EGLN1: variants seen among roughly 807,000 people sequenced by gnomAD.
EGLN1 encodes the protein egl nine homolog 1.
EGLN1 carries 17 observed loss-of-function variants against 38.3 expected under a neutral mutation model. That is an observed-to-expected ratio of 0.44 (90% CI 0.30 to 0.67). The LOEUF is 0.67. EGLN1 is among the 30% of genes least tolerant of loss of function. EGLN1 has a pLI of 0.08. For synonymous variants in EGLN1, 283 were observed against 257.5 expected, an observed-to-expected ratio of 1.10 and a Z score of -0.95; for missense variants, 477 against 603.3, an observed-to-expected ratio of 0.79 and a Z score of 2.19.
Position 231,370,556 on chromosome 1 carries a change from T to C in EGLN1, c.1148+6A>G, listed in dbSNP as rs1427875781. 2.5e-6 allele frequency: 4 copies of C among 1,613,162 alleles called. No homozygotes were observed. Among genetic ancestry groups the C allele is most frequent in the Non-Finnish European group, 3.4e-6 (4 of 1,180,012 alleles). ...TAAACCAATTTTTTCTGAAAAGGAA[T>C]ACTACCTTGTAGCATATGCTGGTTG... On this transcript the variant is annotated splice_donor_region_variant and intron_variant, in intron 3 of 4. Transcript: ENST00000366641.
chr1:231,405,742 A>G (rs1688772596), intron 1 of EGLN1, among the ~76,000 whole-genome samples: 1 of 152,064 alleles, frequency 6.6e-6, no homozygotes, highest in East Asian at 1.9e-4. Context: ...AGAGGAAGAA[A>G]CACCAAGAAT....
intron 1 of EGLN1, among the ~76,000 whole-genome samples, chr1:231,407,253 A>AT (rs1335059435): frequency 6.6e-6 from 1 of 152,170 alleles, no homozygotes; most frequent in East Asian, 1.9e-4. Flanking sequence ...TCCCACGTTG[A>AT]TTAAATCCTT....
At chr1:231,369,677 G>C in intron 3 of EGLN1, 1 of 829,846 alleles carries the variant, frequency 1.2e-6, no homozygotes, top group Non-Finnish European at 1.5e-6. Context: ...AGTCGTTAGA[G>C]TCAACCATCA....
chr1:231,396,805 T>C (rs1688541411), intron 1 of EGLN1, among the ~76,000 whole-genome samples: 1 of 152,230 alleles, frequency 6.6e-6, no homozygotes, highest in African/African-American at 2.4e-5. Flanking sequence ...AGTGGCATCC[T>C]TGTTCAACCA....
intron 1 of EGLN1, among the ~76,000 whole-genome samples, chr1:231,414,468 C>CA (rs766554970): frequency 3.9e-5 from 6 of 152,130 alleles, no homozygotes; most frequent in Admixed American, 3.9e-4. Flanking sequence ...CTCAGAAACA[C>CA]AGAGTGGGAA....
chr1:231,364,387 A>G lies in EGLN1; in HGVS notation c.*2024T>C, dbSNP rs1687584100. On this transcript the variant is annotated 3_prime_UTR_variant, in exon 5 of 5. Coordinates refer to ENST00000366641, the MANE Select transcript of EGLN1 (RefSeq NM_022051.3). ...CGCCGCGCACTGTACTATAGACCAG[A>G]TGGCAAAGACAACTTGCGCTCCTGG... 6.6e-6 allele frequency: 1 copy of G among 152,254 alleles called. No individual in the cohort carries two copies. The highest frequency in any genetic ancestry group is 2.4e-5 in the African/African-American group (1 of 41,458). The allele number at this position is 152,254 out of a possible 1,614,324, so 9.4% of individuals were successfully genotyped here.
chr1:231,393,302 G>GT (rs564997588), intron 1 of EGLN1, among the ~76,000 whole-genome samples: 140 of 152,234 alleles, frequency 9.2e-4, no homozygotes, highest in Non-Finnish European at 1.7e-3. Flanking sequence ...TTTTTGTTTT[G>GT]TTTCGGTTAT....
At chr1:231,420,570 C>T (rs1337013320) in intron 1 of EGLN1, among the ~76,000 whole-genome samples, 3 of 152,162 alleles carry the variant, frequency 2.0e-5, no homozygotes, top group African/African-American at 4.8e-5. Flanking sequence ...GTGGTTCAGA[C>T]ACCATAGGAA....
At chr1:231,394,461 C>T (rs1688468895) in intron 1 of EGLN1, among the ~76,000 whole-genome samples, 1 of 150,706 alleles carries the variant, frequency 6.6e-6, no homozygotes, top group South Asian at 2.1e-4. Flanking sequence ...TCACTGCAAG[C>T]TCCACCTCCC....
intron 1 of EGLN1, among the ~76,000 whole-genome samples, chr1:231,407,459 G>C (rs1333978254): frequency 6.6e-6 from 1 of 152,102 alleles, no homozygotes; most frequent in African/African-American, 2.4e-5. Flanking sequence ...TTTTGCTCTT[G>C]AAAATTTTAC....
chr1:231,389,831 C>T (rs1282486779), intron 1 of EGLN1, among the ~76,000 whole-genome samples: 1 of 152,100 alleles, frequency 6.6e-6, no homozygotes, highest in East Asian at 1.9e-4. Context: ...GCCTGTAGCC[C>T]CAGCTACTTG....
chr1:231,373,101 G>C (rs1687870167), intron 2 of EGLN1, among the ~76,000 whole-genome samples: 1 of 152,004 alleles, frequency 6.6e-6, no homozygotes, highest in African/African-American at 2.4e-5. Flanking sequence ...AATTTAATGA[G>C]ACTCAGGCTA....
At chr1:231,391,599 ACT>A (rs1422461588) in intron 1 of EGLN1, among the ~76,000 whole-genome samples, 1 of 152,118 alleles carries the variant, frequency 6.6e-6, no homozygotes, top group Non-Finnish European at 1.5e-5. Context: ...AAAAACTCAA[ACT>A]CTGTTACAAA....
chr1:231,401,320 T>C (rs1360446623), intron 1 of EGLN1, among the ~76,000 whole-genome samples: 3 of 152,144 alleles, frequency 2.0e-5, no homozygotes, highest in African/African-American at 7.2e-5. Flanking sequence ...CCTCATATGG[T>C]TGCTATGATA....
intron 1 of EGLN1, among the ~76,000 whole-genome samples, chr1:231,402,533 C>T (rs1283312804): frequency 6.6e-6 from 1 of 151,508 alleles, no homozygotes; most frequent in Non-Finnish European, 1.5e-5. Flanking sequence ...CTCCCAGGTT[C>T]AAGCCATTCT....
intron 1 of EGLN1, among the ~76,000 whole-genome samples, chr1:231,417,654 T>C (rs1439267048): frequency 6.6e-6 from 1 of 152,134 alleles, no homozygotes; most frequent in Non-Finnish European, 1.5e-5. Flanking sequence ...CCAGAGAAAG[T>C]GGAAACAGGA....
chr1:231,417,610 G>A (rs930381256), intron 1 of EGLN1, among the ~76,000 whole-genome samples: 1 of 152,234 alleles, frequency 6.6e-6, no homozygotes, highest in South Asian at 2.1e-4. Context: ...TCAAAGGGCA[G>A]GGTAACGGCA....
chr1:231,378,233 A>G (rs2437148), intron 1 of EGLN1, among the ~76,000 whole-genome samples: 82,822 of 151,940 alleles, frequency 0.55, 24,193 homozygotes, highest in Non-Finnish European at 0.65. Flanking sequence ...TTGTAAAAAG[A>G]ATAACACGAA....
At chr1:231,401,408 T>C (rs1285447608) in intron 1 of EGLN1, among the ~76,000 whole-genome samples, 1 of 152,142 alleles carries the variant, frequency 6.6e-6, no homozygotes, top group South Asian at 2.1e-4. Flanking sequence ...ATGTTGGCAA[T>C]ATAAGCAAAT....
Sources: allele counts gnomAD v4.1 joint callset (sites outside exome capture counted in the v4.1 genomes callset), GRCh38; gene constraint gnomAD v4.1.1; transcripts MANE v1.5; gene names NCBI Gene and HGNC (gene_info 2026-07-23, HGNC 2026-07-21).